The following MEOX2 variants were observed in gnomAD, a reference collection of about 807,000 sequenced individuals.
The protein encoded by MEOX2 is homeobox protein MOX-2.
MEOX2 carries 11 observed loss-of-function variants against 27.0 expected under a neutral mutation model. That is an observed-to-expected ratio of 0.41 (90% CI 0.26 to 0.68). The LOEUF is 0.68. Among genes scored for constraint, MEOX2 ranks in the 30% least tolerant of loss-of-function variants. The pLI is 0.33. For synonymous variants in MEOX2, 189 were observed against 155.4 expected, an observed-to-expected ratio of 1.22 and a Z score of -1.61; for missense variants, 436 against 385.4, an observed-to-expected ratio of 1.13 and a Z score of -1.10.
chr7:15,683,796 C>T (rs1346854053), intron 1 of MEOX2, among the ~76,000 whole-genome samples: 1 of 151,974 alleles, frequency 6.6e-6, no homozygotes, highest in Admixed American at 6.6e-5. Context: ...ATTCTAAATC[C>T]CCAGTATTTT....
At chr7:15,684,221 G>C (rs891959705) in intron 1 of MEOX2, among the ~76,000 whole-genome samples, 1 of 152,112 alleles carries the variant, frequency 6.6e-6, no homozygotes, top group East Asian at 1.9e-4. Context: ...AAGAGCTTAT[G>C]GGAATTGCAA....
intron 1 of MEOX2, among the ~76,000 whole-genome samples, chr7:15,646,243 A>G (rs1398757166): frequency 1.3e-5 from 2 of 152,058 alleles, no homozygotes; most frequent in African/African-American, 4.8e-5. Flanking sequence ...ACGTGAAAGT[A>G]TTTTATAAAC....
intron 1 of MEOX2, among the ~76,000 whole-genome samples, chr7:15,672,550 A>G (rs565357157): frequency 6.6e-6 from 1 of 152,328 alleles, no homozygotes; most frequent in African/African-American, 2.4e-5. Context: ...TAATCCAATA[A>G]TAGCAAATAT....
intron 1 of MEOX2, among the ~76,000 whole-genome samples, chr7:15,645,780 T>G (rs995005818): frequency 2.0e-5 from 3 of 152,144 alleles, no homozygotes; most frequent in African/African-American, 7.2e-5. Context: ...AGAGTTGGCT[T>G]ACCAATAGTA....
At chr7:15,670,291 T>G (rs913176204) in intron 1 of MEOX2, among the ~76,000 whole-genome samples, 4 of 152,240 alleles carry the variant, frequency 2.6e-5, no homozygotes, top group African/African-American at 9.6e-5. Flanking sequence ...ATTTGGTTGA[T>G]AGATGCAAGA....
intron 1 of MEOX2, among the ~76,000 whole-genome samples, chr7:15,659,640 G>C (rs1160648767): frequency 3.3e-5 from 5 of 151,636 alleles, no homozygotes; most frequent in African/African-American, 4.8e-5. Context: ...GACACCTGTA[G>C]TCCCAGCTTC....
At chr7:15,615,411 T>C (rs1303432231) in intron 2 of MEOX2, among the ~76,000 whole-genome samples, 1 of 108,048 alleles carries the variant, frequency 9.3e-6, no homozygotes, top group Non-Finnish European at 2.0e-5. Context: ...CAATCTCCTA[T>C]TTTTAAAGCA....
intron 1 of MEOX2, chr7:15,680,060 C>T (rs542064907): frequency 1.4e-4 from 21 of 151,576 alleles, no homozygotes; most frequent in African/African-American, 2.9e-4. Flanking sequence ...CTTATTATTC[C>T]GGAAATTATA....
At chr7:15,669,440 A>C (rs1782062661) in intron 1 of MEOX2, among the ~76,000 whole-genome samples, 1 of 152,234 alleles carries the variant, frequency 6.6e-6, no homozygotes, top group Non-Finnish European at 1.5e-5. Flanking sequence ...TTCTAACGTG[A>C]ATATGTCCAG....
At chr7:15,669,090 A>G (rs1043554158) in intron 1 of MEOX2, among the ~76,000 whole-genome samples, 2 of 152,236 alleles carry the variant, frequency 1.3e-5, no homozygotes, top group Non-Finnish European at 2.9e-5. Flanking sequence ...CACAATTACC[A>G]CATCCACACA....
intron 1 of MEOX2, among the ~76,000 whole-genome samples, chr7:15,683,910 T>C (rs910423814): frequency 6.6e-6 from 1 of 152,198 alleles, no homozygotes; most frequent in South Asian, 2.1e-4. Flanking sequence ...TCCAGTACCC[T>C]CATTATCAGC....
At chr7:15,675,207 A>G (rs1252380212) in intron 1 of MEOX2, among the ~76,000 whole-genome samples, 2 of 152,216 alleles carry the variant, frequency 1.3e-5, no homozygotes, top group African/African-American at 2.4e-5. Context: ...ATTGCCAGCT[A>G]TTAAACTGTG....
chr7:15,631,160 C>T (rs1409732329), intron 1 of MEOX2, among the ~76,000 whole-genome samples: 1 of 151,432 alleles, frequency 6.6e-6, no homozygotes, highest in Non-Finnish European at 1.5e-5. Flanking sequence ...AAAGCAAACC[C>T]AAATTTTACA....
intron 1 of MEOX2, chr7:15,680,644 G>A (rs1019137561): frequency 2.0e-5 from 3 of 151,826 alleles, no homozygotes; most frequent in African/African-American, 7.2e-5. Context: ...GCATCCTAAG[G>A]AAAGTAGGCA....
chr7:15,681,707 C>T (rs1347592733), intron 1 of MEOX2: 2 of 151,596 alleles, frequency 1.3e-5, no homozygotes, highest in Non-Finnish European at 3.0e-5. Flanking sequence ...ACTGTTTTTT[C>T]AGTTTATTAG....
At chr7:15,647,623 C>A (rs542742546) in intron 1 of MEOX2, among the ~76,000 whole-genome samples, 2 of 152,044 alleles carry the variant, frequency 1.3e-5, no homozygotes, top group African/African-American at 4.8e-5. Context: ...ACTAAAGCTG[C>A]TGTGAACAGT....
At chr7:15,637,801 T>C (rs1781507833) in intron 1 of MEOX2, among the ~76,000 whole-genome samples, 1 of 152,050 alleles carries the variant, frequency 6.6e-6, no homozygotes, top group Admixed American at 6.6e-5. Flanking sequence ...CTGTGTGGTC[T>C]TCTGAGGCTG....
intron 1 of MEOX2, among the ~76,000 whole-genome samples, chr7:15,665,179 G>A (rs1236437708): frequency 6.6e-6 from 1 of 151,874 alleles, no homozygotes; most frequent in Admixed American, 6.6e-5. Context: ...AGAGCCATGT[G>A]ATTCAATATC....
intron 1 of MEOX2, among the ~76,000 whole-genome samples, chr7:15,640,263 T>C (rs1348001486): frequency 6.6e-6 from 1 of 151,724 alleles, no homozygotes; most frequent in Non-Finnish European, 1.5e-5. Context: ...TTTGTGTGTG[T>C]GTGTGTGTGT....
Sources: gnomAD v4.1 joint callset for allele counts (sites outside exome capture counted in the v4.1 genomes callset) on GRCh38, gnomAD v4.1.1 for gene constraint, MANE v1.5 for transcripts, NCBI Gene and HGNC (gene_info 2026-07-23, HGNC 2026-07-21) for gene names.